The following MNX1 variants were observed in gnomAD, a reference collection of about 807,000 sequenced individuals.
The protein encoded by MNX1 is motor neuron and pancreas homeobox protein 1.
Under a neutral mutation model 17.3 loss-of-function variants are expected in MNX1, and 2 were observed. That is an observed-to-expected ratio of 0.12 (90% CI 0.05 to 0.36). MNX1 has a LOEUF of 0.36. MNX1 is among the 10% of genes least tolerant of loss of function. The pLI, the probability that MNX1 is intolerant of heterozygous loss-of-function variation, is 1.00. For missense variants in MNX1, 556 were observed against 564.7 expected, an observed-to-expected ratio of 0.98 and a Z score of 0.16; for synonymous variants, 306 against 283.1, an observed-to-expected ratio of 1.08 and a Z score of -0.81.
Position 157,010,298 on chromosome 7 carries a change from G to T in MNX1, c.53C>A (p.Pro18Gln). The T allele has an allele frequency of 1.3e-6, 2 of 1,573,514 alleles. No homozygotes were observed. Among genetic ancestry groups the T allele is most frequent in the Non-Finnish European group, 1.7e-6 (2 of 1,160,978 alleles). The change falls in exon 1 of 3, where the codon CCA becomes CAA. Residue 18 changes from proline (P) to glutamine (Q), a missense_variant. By Grantham distance (76) the Pro-to-Gln change is moderately conservative (BLOSUM62 -1). Coordinates refer to ENST00000252971, the MANE Select transcript of MNX1 (RefSeq NM_005515.4). ...CGCGCTCTGCGCAGAGGCGGCTCGTGGGGGGTCCACCGCCAGCAGGGCGTC... is the reference window on the plus strand; with the variant it reads ...CGCGCTCTGCGCAGAGGCGGCTCGTTGGGGGTCCACCGCCAGCAGGGCGTC... ...RIDALLAVDP[P>Q]RAASAQSAPL...
At position 157,010,560 on chromosome 7, in the gene MNX1, C is replaced by A; in HGVS notation, c.-210G>T. On this transcript the variant is annotated 5_prime_UTR_variant, in exon 1 of 3. Coordinates refer to ENST00000252971, the MANE Select transcript of MNX1 (RefSeq NM_005515.4). ...TGCGGGCCCCGCCCCGGGCCGCGCT[C>A]GCACAAACTCCCACGCGAGTGCTTC... 1 of 362,390 alleles carries A rather than the reference C, an allele frequency of 2.8e-6. No homozygotes were observed. Among genetic ancestry groups the A allele is most frequent in the South Asian group, 6.8e-5 (1 of 14,632 alleles). The allele number at this position is 362,390 out of a possible 1,614,324, so 22.4% of individuals were successfully genotyped here.
Position 157,005,100 on chromosome 7 carries a change from G to A in MNX1, c.*420C>T, listed in dbSNP as rs544262227. On this transcript the variant is annotated 3_prime_UTR_variant, in exon 3 of 3. Coordinates refer to ENST00000252971, the MANE Select transcript of MNX1 (RefSeq NM_005515.4). Reference sequence around the variant, plus strand: ...TCTGCAGAATGGCGGCTCCAGAGGCGGTTTCAAGTTTCATAAGTCAGGTAA... The same window carrying A: ...TCTGCAGAATGGCGGCTCCAGAGGCAGTTTCAAGTTTCATAAGTCAGGTAA... The A allele has an allele frequency of 4.9e-4, 112 of 228,270 alleles. 1 individual carries two copies. The highest frequency in any genetic ancestry group is 1.3e-3 in the Middle Eastern group (1 of 772). 14.1% of individuals were successfully genotyped at this position (228,270 alleles called of 1,614,324 possible).
intron 1 of MNX1, chr7:157,008,992 C>A: frequency 2.0e-6 from 3 of 1,537,092 alleles, no homozygotes; most frequent in Non-Finnish European, 2.6e-6. Flanking sequence ...GAGGGGCATT[C>A]GTTACCTTGT....
rs140413745 is a variant in MNX1, at chr7:157,009,172, G to A, written c.691+488C>T. ...CCCTGGGCCTTGGCCTTGCCTCCCC[G>A]GGCCTCCGAAGCCCATTTCTCTTGT... On this transcript the variant is annotated intron_variant, in intron 1 of 2. Transcript: ENST00000252971. 1.7e-3 allele frequency: 2,481 copies of A among 1,480,432 alleles called. 49 individuals are homozygous for A. In the African/African-American group the frequency reaches 0.031, roughly 19 times the overall value. The allele number at this position is 1,480,432 out of a possible 1,614,324, so 91.7% of individuals were successfully genotyped here.
At position 157,009,838 on chromosome 7, in the gene MNX1, C is replaced by T. The variant is rs1281350918; in HGVS notation, c.513G>A (p.Ala171=). ...HPVYGYSAAA[A]AAALAGQHPA... is the part of the protein sequence containing the mutation. ...GGTGCTGGCCCGCCAGCGCAGCCGC[C>T]GCCGCCGCCGCGGAGTAGCCGTAGA... Residue 171 remains alanine, a synonymous_variant, in exon 1 of 3, where the codon GCG becomes GCA. Coordinates refer to ENST00000252971, the MANE Select transcript of MNX1 (RefSeq NM_005515.4). 3 of 1,511,322 alleles carry T rather than the reference C, an allele frequency of 2.0e-6. No homozygotes were observed. Among genetic ancestry groups the T allele is most frequent in the South Asian group, 2.4e-5 (2 of 81,650 alleles). The allele number at this position is 1,511,322 out of a possible 1,614,324, so 93.6% of individuals were successfully genotyped here.
Position 157,010,043 on chromosome 7 carries a change from C to T in MNX1, c.308G>A (p.Gly103Asp). The change falls in exon 1 of 3, where the codon GGC (glycine) becomes GAC (aspartate). Residue 103 changes from glycine (G) to aspartate (D), a missense_variant. Around this residue, in one of 7 missense-constraint regions of MNX1, gnomAD observed 115 missense variants for 103.5 expected, o/e 1.11. Coordinates refer to ENST00000252971, the MANE Select transcript of MNX1 (RefSeq NM_005515.4). ...KPGFLGAGGG[G>D]GGTGGGHGGP... ...CCCGTGCCCGCCGCCCGTGCCGCCG[C>T]CGCCGCCGCCCGCGCCCAGGAAGCC... is the stretch of plus-strand genomic sequence containing the variant. The T allele has an allele frequency of 1.0e-6, 1 of 998,712 alleles. No homozygotes were observed. Among genetic ancestry groups the T allele is most frequent in the Non-Finnish European group, 1.2e-6 (1 of 840,826 alleles). The allele number at this position is 998,712 out of a possible 1,614,324, so 61.9% of individuals were successfully genotyped here. A position where few individuals can be genotyped will look rare whatever the true frequency, so the allele number is the denominator to read the frequency against.
At position 157,006,465 on chromosome 7, in the gene MNX1, G is replaced by A. The variant is rs759064629; in HGVS notation, c.852+14C>T. The A allele has an allele frequency of 7.5e-6, 12 of 1,607,594 alleles. No homozygotes were observed. Among genetic ancestry groups the A allele is most frequent in the Non-Finnish European group, 1.0e-5 (12 of 1,178,318 alleles). Reference sequence around the variant, plus strand: ...GGGAGGCCGGGATGCGTCGGGGGCGGGGAGGGCGCGCACCTGGGTCTCGGT... The same window carrying A: ...GGGAGGCCGGGATGCGTCGGGGGCGAGGAGGGCGCGCACCTGGGTCTCGGT... On this transcript the variant is annotated intron_variant, in intron 2 of 2. Coordinates refer to ENST00000252971, the MANE Select transcript of MNX1 (RefSeq NM_005515.4). The surrounding 1 kb of genome is among the most constrained non-coding windows in gnomAD (Gnocchi z 6.3).
In MNX1 at chr7:157,010,047, C is replaced by A; in HGVS notation, c.304G>T (p.Gly102Cys). 1.0e-6 allele frequency: 1 copy of A among 999,016 alleles called. No homozygotes were observed. Among genetic ancestry groups the A allele is most frequent in the South Asian group, 4.3e-5 (1 of 23,366 alleles). 61.9% of individuals were successfully genotyped at this position (999,016 alleles called of 1,614,324 possible). A position where few individuals can be genotyped will look rare whatever the true frequency, so the allele number is the denominator to read the frequency against. ...TGCCCGCCGCCCGTGCCGCCGCCGC[C>A]GCCGCCCGCGCCCAGGAAGCCCGGC... ...PKPGFLGAGG[G>C]GGGTGGGHGG... The change falls in exon 1 of 3, where the codon GGC becomes TGC. Residue 102 changes from glycine to cysteine, a missense_variant. Coordinates refer to ENST00000252971, the MANE Select transcript of MNX1 (RefSeq NM_005515.4).
Position 157,006,279 on chromosome 7 carries a change from G to A in MNX1, c.852+200C>T. ...TCACCTTCTTCAGAATGAAAGGAGG[G>A]GTGGTTAAGTGCTGATTCTTGGGCC... On this transcript the variant is annotated intron_variant, in intron 2 of 2. Transcript: ENST00000252971. This position sits in a 1 kb window ranked among gnomAD's most constrained non-coding sequence, Gnocchi z 6.3. 8.2e-6 allele frequency: 5 copies of A among 606,542 alleles called. No individual in the cohort carries two copies. Among genetic ancestry groups the A allele is most frequent in the South Asian group, 6.0e-5 (3 of 49,622 alleles). The allele number at this position is 606,542 out of a possible 1,614,324, so 37.6% of individuals were successfully genotyped here.
chr7:157,008,648 C>T, intron 1 of MNX1: 2 of 336,384 alleles, frequency 5.9e-6, no homozygotes, highest in East Asian at 4.7e-5. Context: ...TTTGCTTTTC[C>T]CCTGCTCTGC....
intron 1 of MNX1, 173 bp downstream of exon 1, chr7:157,009,487 C>T: frequency 7.0e-7 from 1 of 1,438,126 alleles, no homozygotes; most frequent in South Asian, 1.5e-5. Flanking sequence ...CGCTGCCCGT[C>T]TCATGCCTGG....
At position 157,010,140 on chromosome 7, in the gene MNX1, C is replaced by A; in HGVS notation, c.211G>T (p.Asp71Tyr). 2.9e-6 allele frequency: 3 copies of A among 1,048,202 alleles called. No individual in the cohort carries two copies. Among genetic ancestry groups the A allele is most frequent in the South Asian group, 8.9e-5 (2 of 22,482 alleles). 64.9% of individuals were successfully genotyped at this position (1,048,202 alleles called of 1,614,324 possible). The part of the protein sequence containing the change: ...ASSEPPAAPA[D>Y]RLRAESPSPP... Reference sequence around the variant, plus strand: ...GACGGGCTCTCGGCGCGCAGGCGGTCGGCGGGCGCAGCCGGCGGCTCCGAG... The same window carrying A: ...GACGGGCTCTCGGCGCGCAGGCGGTAGGCGGGCGCAGCCGGCGGCTCCGAG... Residue 71 changes from aspartate (D) to tyrosine (Y), a missense_variant, in exon 1 of 3, where the codon GAC becomes TAC. Around this residue, in one of 7 missense-constraint regions of MNX1, gnomAD observed 115 missense variants for 103.5 expected, o/e 1.11. Transcript: ENST00000252971.
rs1454506224 is a variant in MNX1, at chr7:157,006,639, G to T, written c.692C>A (p.Ser231Tyr). 2 of 1,587,784 alleles carry T rather than the reference G, an allele frequency of 1.3e-6. No homozygotes were observed. Among genetic ancestry groups the T allele is most frequent in the African/African-American group, 2.7e-5 (2 of 74,678 alleles). ...MILPKMPDFN[S>Y]QAQSNLLGKC... is the part of the protein sequence containing the mutation. ...CCCCAGGAGGTTCGACTGCGCCTGG[G>T]CTGGGGACCAAAGGGCAGTGAGGCC... Residue 231 changes from serine (S) to tyrosine (Y), a missense_variant and splice_region_variant, in exon 2 of 3, where the codon TCC becomes TAC. Ser to Tyr is a moderately radical substitution (Grantham distance 144). Transcript: ENST00000252971. The surrounding 1 kb of genome is among the most constrained non-coding windows in gnomAD (Gnocchi z 6.3).
Position 157,006,005 on chromosome 7 carries a change from G to A in MNX1, c.853-132C>T, listed in dbSNP as rs1243779374. On this transcript the variant is annotated intron_variant, in intron 2 of 2. Coordinates refer to ENST00000252971, the MANE Select transcript of MNX1 (RefSeq NM_005515.4). The surrounding 1 kb of genome is among the most constrained non-coding windows in gnomAD (Gnocchi z 6.3). Reference sequence around the variant, plus strand: ...AATGGCCTCAGGGTGAGACGACTTAGAAGCAGAATGGGGAGGGGGCTCGTA... The same window carrying A: ...AATGGCCTCAGGGTGAGACGACTTAAAAGCAGAATGGGGAGGGGGCTCGTA... 17 of 970,430 alleles carry A rather than the reference G, an allele frequency of 1.8e-5. No individual in the cohort carries two copies. Among genetic ancestry groups the A allele is most frequent in the Non-Finnish European group, 2.3e-5 (15 of 647,128 alleles). The allele number at this position is 970,430 out of a possible 1,614,324, so 60.1% of individuals were successfully genotyped here. A position where few individuals can be genotyped will look rare whatever the true frequency, so the allele number is the denominator to read the frequency against.
In MNX1 at chr7:157,010,306, C is replaced by T; in HGVS notation, c.45G>A (p.Val15=). ...GCGCAGAGGCGGCTCGTGGGGGGTC[C>T]ACCGCCAGCAGGGCGTCGATGCGGA... ...KNFRIDALLA[V]DPPRAASAQS... is the part of the protein sequence containing the mutation. Residue 15 remains valine, a synonymous_variant, in exon 1 of 3, where the codon GTG becomes GTA. Coordinates refer to ENST00000252971, the MANE Select transcript of MNX1 (RefSeq NM_005515.4). 1.3e-6 allele frequency: 2 copies of T among 1,577,614 alleles called. No individual in the cohort carries two copies. Among genetic ancestry groups the T allele is most frequent in the Non-Finnish European group, 1.7e-6 (2 of 1,163,240 alleles).
Position 157,009,940 on chromosome 7 carries a change from C to A in MNX1, c.411G>T (p.Leu137=). The A allele has an allele frequency of 3.9e-6, 4 of 1,038,002 alleles. No individual in the cohort carries two copies. The highest frequency in any genetic ancestry group is 4.6e-6 in the Non-Finnish European group (4 of 866,982). 64.3% of individuals were successfully genotyped at this position (1,038,002 alleles called of 1,614,324 possible). A position where few individuals can be genotyped will look rare whatever the true frequency, so the allele number is the denominator to read the frequency against. Residue 137 remains leucine (L), a synonymous_variant, in exon 1 of 3, where the codon CTG becomes CTT. Coordinates refer to ENST00000252971, the MANE Select transcript of MNX1 (RefSeq NM_005515.4). ...AAAAAAAAGG[L]ALGLHPGGAQ... is the part of the protein sequence containing the mutation. ...CGCCCCCAGGGTGCAGCCCCAGCGCCAGGCCCCCAGCGGCGGCGGCGGCGG... is the reference window on the plus strand; with the variant it reads ...CGCCCCCAGGGTGCAGCCCCAGCGCAAGGCCCCCAGCGGCGGCGGCGGCGG...
chr7:157,005,982 T>C, intron 2 of MNX1, 109 bp from the exon 3 acceptor site: 2 of 1,296,852 alleles, frequency 1.5e-6, no homozygotes, highest in Non-Finnish European at 2.2e-6. Context: ...GGCCCTGGAA[T>C]GGCCTCAGGG....
At position 157,009,768 on chromosome 7, in the gene MNX1, C is replaced by A. The variant is rs768750849; in HGVS notation, c.583G>T (p.Ala195Ser). 1.3e-6 allele frequency: 2 copies of A among 1,598,938 alleles called. No homozygotes were observed. The highest frequency in any genetic ancestry group is 2.7e-5 in the African/African-American group (2 of 74,458). ...SYPQVQGAHPAHPADPIKLGA... is the reference protein window; with the variant it reads ...SYPQVQGAHPSHPADPIKLGA... ...AGCTTGATGGGGTCGGCGGGGTGCG[C>A]GGGGTGCGCGCCTTGCACCTGCGGG... The change falls in exon 1 of 3, where the codon GCG becomes TCG. Residue 195 changes from alanine (A) to serine (S), a missense_variant. Ala to Ser is a moderately conservative substitution (Grantham distance 99, BLOSUM62 1). This residue lies in a region of MNX1 where 210 missense variants were observed against 211.3 expected (regional missense o/e 0.99). Coordinates refer to ENST00000252971, the MANE Select transcript of MNX1 (RefSeq NM_005515.4).
chr7:157,009,124 C>T, intron 1 of MNX1: 8 of 1,532,676 alleles, frequency 5.2e-6, no homozygotes, highest in Non-Finnish European at 6.1e-6. Flanking sequence ...AGGAGGGCAG[C>T]GCCCTGGTAA....
Sources: allele counts gnomAD v4.1 joint callset, GRCh38; gene constraint gnomAD v4.1.1; regional missense constraint gnomAD v4.1.1; non-coding constraint Gnocchi (gnomAD v3.1); transcripts MANE v1.5; gene names NCBI Gene and HGNC (gene_info 2026-07-23, HGNC 2026-07-21).